The following TSHR variants were observed in gnomAD, a reference collection of about 807,000 sequenced individuals.
TSHR encodes thyroid stimulating hormone receptor.
A neutral mutation model predicts 64.1 loss-of-function variants in TSHR; 51 were observed. The observed-to-expected ratio is 0.80, with a 90% CI of 0.64 to 1.01. The LOEUF (loss-of-function observed/expected upper bound fraction) is 1.01. Ranked by LOEUF, TSHR falls within the 50% of genes least tolerant of loss-of-function variation. TSHR has a pLI of 0.00. For missense variants in TSHR, 877 were observed against 942.8 expected, an observed-to-expected ratio of 0.93 and a Z score of 0.91; for synonymous variants, 361 against 361.9, an observed-to-expected ratio of 1.00 and a Z score of 0.03.
chr14:81,067,928 T>C (rs866718060), intron 2 of TSHR, among the ~76,000 whole-genome samples: 1 of 13,734 alleles, frequency 7.3e-5, no homozygotes, highest in African/African-American at 2.2e-4. Context: ...AGGGTGACAC[T>C]ATATATATAT....
chr14:81,092,684 C>T, intron 6 of TSHR, 76 bp downstream of exon 6: 1 of 1,345,752 alleles, frequency 7.4e-7, no homozygotes. Flanking sequence ...ACAGACCATC[C>T]AAGAGCCATA....
intron 8 of TSHR, among the ~76,000 whole-genome samples, chr14:81,114,315 G>T (rs1453252740): frequency 6.6e-6 from 1 of 152,124 alleles, no homozygotes; most frequent in African/African-American, 2.4e-5. Flanking sequence ...CAGGTCAGTG[G>T]GTGCGTGCAC....
At chr14:81,027,050 A>G (rs2139813511) in intron 1 of TSHR, among the ~76,000 whole-genome samples, 1 of 151,908 alleles carries the variant, frequency 6.6e-6, no homozygotes. Context: ...AAAAAAAAAA[A>G]AAGAAAGGCC....
At chr14:81,056,300 C>T (rs1277233966) in intron 1 of TSHR, among the ~76,000 whole-genome samples, 4 of 151,972 alleles carry the variant, frequency 2.6e-5, no homozygotes, top group Non-Finnish European at 4.4e-5. Flanking sequence ...TTATCAGTAG[C>T]GTGAAAATGA....
intron 8 of TSHR, among the ~76,000 whole-genome samples, chr14:81,132,657 C>T (rs1369985148): frequency 3.3e-5 from 5 of 152,138 alleles, no homozygotes; most frequent in Admixed American, 6.5e-5. Flanking sequence ...TTCTGATTTG[C>T]GAGTAAATAC....
intron 1 of TSHR, among the ~76,000 whole-genome samples, chr14:80,968,197 G>A (rs187825085): frequency 6.6e-6 from 1 of 152,160 alleles, no homozygotes; most frequent in Non-Finnish European, 1.5e-5. Context: ...AGCTCATACA[G>A]AACTGGTAGC....
At chr14:81,111,871 T>C (rs114912088) in intron 8 of TSHR, among the ~76,000 whole-genome samples, 224 of 152,346 alleles carry the variant, frequency 1.5e-3, no homozygotes, top group African/African-American at 5.0e-3. Flanking sequence ...GTAAACATTA[T>C]AGCACTTAAA....
At chr14:81,044,808 A>G (rs935528305) in intron 1 of TSHR, among the ~76,000 whole-genome samples, 1 of 152,192 alleles carries the variant, frequency 6.6e-6, no homozygotes, top group African/African-American at 2.4e-5. Flanking sequence ...GTGAGAGTGT[A>G]AGTTAGTTCA....
At position 81,007,441 on chromosome 14, in the gene TSHR, G is replaced by A. The variant is rs1594944573; in HGVS notation, c.170+51591G>A. Among the ~76,000 whole-genome samples the A allele has an allele frequency of 2.0e-5, 3 of 152,328 alleles. No homozygotes were observed. The South Asian group carries it at 6.2e-4, about 32-fold the overall frequency. ...GTACTGGCCAGATATTTTGTAGAAT[G>A]TCCCTCAATTGGGATTTGTCTCTTT... On this transcript the variant is annotated intron_variant, in intron 1 of 9. Coordinates refer to ENST00000298171, the MANE Select transcript of TSHR (RefSeq NM_000369.5).
At chr14:80,993,556 TCTATA>T (rs1300296153) in intron 1 of TSHR, 1 of 152,314 alleles carries the variant, frequency 6.6e-6, no homozygotes, top group Admixed American at 6.5e-5. Context: ...ATTTATAAAT[TCTATA>T]CTATACTACT....
intron 1 of TSHR, among the ~76,000 whole-genome samples, chr14:80,966,499 C>A (rs1401894990): frequency 2.6e-5 from 4 of 151,658 alleles, no homozygotes; most frequent in Non-Finnish European, 5.9e-5. Flanking sequence ...TATTGATCAC[C>A]TATCATACAC....
At chr14:81,108,167 T>A (rs1434901617) in intron 7 of TSHR, among the ~76,000 whole-genome samples, 1 of 152,136 alleles carries the variant, frequency 6.6e-6, no homozygotes, top group Non-Finnish European at 1.5e-5. Flanking sequence ...TTTCAAAAAC[T>A]TCTGCCATAA....
At position 81,144,513 on chromosome 14, in the gene TSHR, G is replaced by A. The variant is rs534613142; in HGVS notation, c.*160G>A. ...GGGCAAGAGTTTATCTCTGGAGAGTGATTAGTATTAACCTAATCATTGCCC... is the reference window on the plus strand; with the variant it reads ...GGGCAAGAGTTTATCTCTGGAGAGTAATTAGTATTAACCTAATCATTGCCC... On this transcript the variant is annotated 3_prime_UTR_variant, in exon 10 of 10. Coordinates refer to ENST00000298171, the MANE Select transcript of TSHR (RefSeq NM_000369.5). 8 of 766,008 alleles carry A rather than the reference G, an allele frequency of 1.0e-5. No homozygotes were observed. In the East Asian group the frequency reaches 1.9e-4, roughly 18 times the overall value. 47.5% of individuals were successfully genotyped at this position (766,008 alleles called of 1,614,324 possible).
chr14:81,090,527 C>A (rs749936278), intron 4 of TSHR, among the ~76,000 whole-genome samples: 1 of 152,192 alleles, frequency 6.6e-6, no homozygotes, highest in Non-Finnish European at 1.5e-5. Context: ...AGGCGTGAGC[C>A]CCTGTGCCCG....
intron 8 of TSHR, among the ~76,000 whole-genome samples, chr14:81,123,773 A>G: frequency 6.6e-6 from 1 of 152,200 alleles, no homozygotes; most frequent in East Asian, 1.9e-4. Context: ...TCTATTATCC[A>G]ATATTTGCTG....
At chr14:80,967,598 C>T (rs1202340766) in intron 1 of TSHR, among the ~76,000 whole-genome samples, 1 of 152,080 alleles carries the variant, frequency 6.6e-6, no homozygotes, top group Non-Finnish European at 1.5e-5. Flanking sequence ...ACCTGACTTA[C>T]ATTTTAGTAG....
At chr14:81,019,009 T>C (rs117358923) in intron 1 of TSHR, among the ~76,000 whole-genome samples, 1,807 of 152,196 alleles carry the variant, frequency 0.012, 21 homozygotes, top group African/African-American at 0.016. Flanking sequence ...TTGATGTGGA[T>C]TGAAAGGCAG....
chr14:81,140,310 G>T (rs1038047238), intron 9 of TSHR, among the ~76,000 whole-genome samples: 9 of 152,166 alleles, frequency 5.9e-5, no homozygotes, highest in Non-Finnish European at 1.2e-4. Flanking sequence ...TAGCTCCCTG[G>T]TTACATGCCT....
intron 1 of TSHR, chr14:81,001,542 C>A: frequency 3.8e-6 from 2 of 525,248 alleles, no homozygotes; most frequent in South Asian, 2.8e-5. Flanking sequence ...AAATTCAGCA[C>A]TCATTTTGGG....
Sources: gnomAD v4.1 joint callset for allele counts (sites outside exome capture counted in the v4.1 genomes callset) on GRCh38, gnomAD v4.1.1 for gene constraint, MANE v1.5 for transcripts, NCBI Gene and HGNC (gene_info 2026-07-23, HGNC 2026-07-21) for gene names.